Variants in GSE1 observed in about 807,000 individuals in gnomAD.
GSE1 encodes the protein Gse1 coiled-coil protein.
Under a neutral mutation model 112.6 loss-of-function variants are expected in GSE1, and 32 were observed. The ratio of observed to expected loss-of-function variants is 0.28; its 90% CI spans 0.21 to 0.38. The LOEUF (loss-of-function observed/expected upper bound fraction) is 0.38. Ranked by LOEUF, GSE1 falls within the 10% of genes least tolerant of loss-of-function variation. The pLI, the probability that GSE1 is intolerant of heterozygous loss-of-function variation, is 1.00. For synonymous variants in GSE1, 1,115 were observed against 735.6 expected (o/e 1.52, Z -8.35); for missense variants, 2,348 against 1,699.2 (o/e 1.38, Z -6.71).
At chr16:85,308,880 T>G (rs1239947730) in intron 1 of GSE1, among the ~76,000 whole-genome samples, 2 of 147,564 alleles carry the variant, frequency 1.4e-5, no homozygotes, top group African/African-American at 5.1e-5. Flanking sequence ...GGGACTGTGC[T>G]ATCTCGGATG....
intron 2 of GSE1, among the ~76,000 whole-genome samples, chr16:85,390,979 A>T (rs1338368239): frequency 6.6e-6 from 1 of 152,206 alleles, no homozygotes; most frequent in Non-Finnish European, 1.5e-5. Flanking sequence ...ACTTTATTGC[A>T]GTGCCTTCAC....
chr16:85,271,009 G>C (rs555597819), intron 1 of GSE1, among the ~76,000 whole-genome samples: 4 of 152,190 alleles, frequency 2.6e-5, no homozygotes, highest in Non-Finnish European at 5.9e-5. Flanking sequence ...CTGAGGCAGA[G>C]CGAATGCCAT....
rs527936855 is a variant in GSE1, at chr16:85,656,332, A to C, written c.990-11A>C. 14 of 1,606,586 alleles carry C rather than the reference A, an allele frequency of 8.7e-6. No homozygotes were observed. The highest frequency in any genetic ancestry group is 1.1e-5 in the Non-Finnish European group (13 of 1,176,996). On this transcript the variant is annotated splice_polypyrimidine_tract_variant and intron_variant, in intron 6 of 15. Coordinates refer to ENST00000253458, the MANE Select transcript of GSE1 (RefSeq NM_014615.5). ...TGCAGCAGAGCCCCCAACTCTTTCC[A>C]TGTGCTGCAGGCTGCAGATGGACGA...
chr16:85,262,922 G>A (rs1274603380), intron 1 of GSE1, among the ~76,000 whole-genome samples: 1 of 152,216 alleles, frequency 6.6e-6, no homozygotes, highest in African/African-American at 2.4e-5. Flanking sequence ...CCCCGTTCTA[G>A]GCTCAGAGGA....
chr16:85,633,602 C>T lies in GSE1; in HGVS notation c.8-312C>T, dbSNP rs562372255. ...ATGGTCAGGGGCCTGTTGGGTGATGCGTGGGATCCTCCACGACCTGCCCAG... is the reference window on the plus strand; with the variant it reads ...ATGGTCAGGGGCCTGTTGGGTGATGTGTGGGATCCTCCACGACCTGCCCAG... On this transcript the variant is annotated intron_variant, in intron 1 of 15. Transcript: ENST00000253458. 8.5e-5 allele frequency among the ~76,000 whole-genome samples: 13 copies of T among 152,302 alleles called. No individual in the cohort carries two copies. The East Asian group carries it at 1.7e-3, about 20-fold the overall frequency.
intron 2 of GSE1, among the ~76,000 whole-genome samples, chr16:85,463,539 C>T (rs529353308): frequency 1.3e-5 from 2 of 152,122 alleles, no homozygotes; most frequent in African/African-American, 4.8e-5. Context: ...TGCAGTGACC[C>T]GGGAGGTGGG....
At chr16:85,318,998 C>T (rs1488501409) in intron 1 of GSE1, among the ~76,000 whole-genome samples, 1 of 152,166 alleles carries the variant, frequency 6.6e-6, no homozygotes, top group East Asian at 1.9e-4. Context: ...TGGCGCATCA[C>T]CTGGTGTCTG....
chr16:85,288,172 G>GGAGGTTGCAGTGAGCT (rs1467296412), intron 1 of GSE1, among the ~76,000 whole-genome samples: 1 of 152,132 alleles, frequency 6.6e-6, no homozygotes, highest in Non-Finnish European at 1.5e-5. Flanking sequence ...CCCGGGAGGC[G>GGAGGTTGCAGTGAGCT]GAGGTTGCAG....
intron 1 of GSE1, among the ~76,000 whole-genome samples, chr16:85,582,401 G>T (rs2151388651): frequency 6.6e-6 from 1 of 152,328 alleles, no homozygotes; most frequent in East Asian, 1.9e-4. Context: ...CTGGGTTCCT[G>T]GGAATGCTAA....
chr16:85,474,410 C>T (rs2050388429), intron 2 of GSE1, among the ~76,000 whole-genome samples: 1 of 152,118 alleles, frequency 6.6e-6, no homozygotes, highest in African/African-American at 2.4e-5. Flanking sequence ...GCTGGAGGTG[C>T]ACGGAGGGAG....
chr16:85,412,758 A>T (rs1269671003), intron 2 of GSE1, among the ~76,000 whole-genome samples: 1 of 152,158 alleles, frequency 6.6e-6, no homozygotes, highest in East Asian at 1.9e-4. Flanking sequence ...CGTTGCACTC[A>T]GGGTCCCTCT....
chr16:85,374,033 C>T (rs2047359674), intron 2 of GSE1, among the ~76,000 whole-genome samples: 1 of 152,176 alleles, frequency 6.6e-6, no homozygotes, highest in East Asian at 1.9e-4. Context: ...AATCTGTGTA[C>T]CTGTGTCTGT....
At chr16:85,500,701 A>G (rs1490535241) in intron 2 of GSE1, among the ~76,000 whole-genome samples, 1 of 152,154 alleles carries the variant, frequency 6.6e-6, no homozygotes, top group Non-Finnish European at 1.5e-5. Flanking sequence ...TCAGTGTCCC[A>G]TGGCTGCAGA....
chr16:85,570,160 G>A (rs1304598977), intron 1 of GSE1, among the ~76,000 whole-genome samples: 1 of 152,210 alleles, frequency 6.6e-6, no homozygotes, highest in Non-Finnish European at 1.5e-5. Flanking sequence ...TAGGCACACA[G>A]GCTGGTTCTG....
chr16:85,176,652 G>T (rs979486004), intron 1 of GSE1, among the ~76,000 whole-genome samples: 1 of 152,256 alleles, frequency 6.6e-6, no homozygotes, highest in Non-Finnish European at 1.5e-5. Context: ...GGTTAATGGC[G>T]CATGCAGCTG....
intron 2 of GSE1, among the ~76,000 whole-genome samples, chr16:85,392,882 G>A (rs2047874779): frequency 6.6e-6 from 1 of 152,340 alleles, no homozygotes; most frequent in South Asian, 2.1e-4. Flanking sequence ...GATGCCCTCC[G>A]AGGTCTCTCC....
chr16:85,526,433 G>A (rs1289286626), intron 2 of GSE1, among the ~76,000 whole-genome samples: 2 of 152,230 alleles, frequency 1.3e-5, no homozygotes, highest in South Asian at 2.1e-4. Context: ...AGTCCCACGC[G>A]CGCCAGCAGC....
At chr16:85,260,314 C>CTTTTCT (rs1907540896) in intron 1 of GSE1, among the ~76,000 whole-genome samples, 1 of 112,180 alleles carries the variant, frequency 8.9e-6, no homozygotes, top group African/African-American at 4.0e-5. Flanking sequence ...TTTTCTTTTT[C>CTTTTCT]TTTTCTTTTT....
intron 2 of GSE1, among the ~76,000 whole-genome samples, chr16:85,644,863 T>A (rs1393044821): frequency 2.9e-5 from 3 of 103,208 alleles, no homozygotes; most frequent in Admixed American, 2.5e-4. Flanking sequence ...TGGAATTTTT[T>A]TTTTTAAACA....
Sources: gnomAD v4.1 joint callset for allele counts (sites outside exome capture counted in the v4.1 genomes callset) on GRCh38, gnomAD v4.1.1 for gene constraint, MANE v1.5 for transcripts, NCBI Gene and HGNC (gene_info 2026-07-23, HGNC 2026-07-21) for gene names.